The following CACNA1A variants were observed in gnomAD, a reference collection of about 807,000 sequenced individuals.
CACNA1A encodes calcium voltage-gated channel subunit alpha1 A.
CACNA1A carries 57 observed loss-of-function variants against 262.4 expected under a neutral mutation model. That is an observed-to-expected ratio of 0.22 (90% CI 0.18 to 0.27). The LOEUF (loss-of-function observed/expected upper bound fraction) is 0.27. Among genes scored for constraint, CACNA1A ranks in the 10% least tolerant of loss-of-function variants. The pLI is 1.00. For synonymous variants in CACNA1A, 1,431 were observed against 1,419.3 expected, an observed-to-expected ratio of 1.01 and a Z score of -0.18; for missense variants, 2,526 against 3,562.8, an observed-to-expected ratio of 0.71 and a Z score of 7.41.
intron 10 of CACNA1A, among the ~76,000 whole-genome samples, chr19:13,322,535 TA>T (rs1260907481): frequency 6.6e-6 from 1 of 152,074 alleles, no homozygotes; most frequent in Non-Finnish European, 1.5e-5. Flanking sequence ...CCTGTGTTAT[TA>T]AAATGATGTA....
At chr19:13,474,805 A>C (rs1339352465) in intron 1 of CACNA1A, among the ~76,000 whole-genome samples, 1 of 146,754 alleles carries the variant, frequency 6.8e-6, no homozygotes, top group African/African-American at 2.6e-5. Flanking sequence ...CAACAGAGGG[A>C]GACTCCGTCT....
chr19:13,479,670 C>T lies in CACNA1A; in HGVS notation c.294-24458G>A, dbSNP rs151110026. 2.0e-3 allele frequency among the ~76,000 whole-genome samples: 312 copies of T among 152,286 alleles called. 4 individuals are homozygous for T. The highest frequency in any genetic ancestry group is 7.3e-3 in the African/African-American group (305 of 41,572). On this transcript the variant is annotated intron_variant, in intron 1 of 46. Coordinates refer to ENST00000360228, the MANE Select transcript of CACNA1A (RefSeq NM_001127222.2). ...AGGAGGACAGGCCTGAGCTCAGAGTCCTGCCACCTTCACTCTTCATGTCTT... is the reference window on the plus strand; with the variant it reads ...AGGAGGACAGGCCTGAGCTCAGAGTTCTGCCACCTTCACTCTTCATGTCTT...
chr19:13,332,271 C>T (rs1253746809), intron 9 of CACNA1A, among the ~76,000 whole-genome samples: 3 of 152,074 alleles, frequency 2.0e-5, no homozygotes, highest in Admixed American at 2.0e-4. Context: ...CATGGTGGCT[C>T]ATGCTTGTAA....
At chr19:13,271,224 T>TTTTTTG (rs2057011579) in intron 24 of CACNA1A, 1 of 140,362 alleles carries the variant, frequency 7.1e-6, no homozygotes, top group South Asian at 2.4e-4. Flanking sequence ...GTTTTTTTTT[T>TTTTTTG]TTTTTTTTTT....
chr19:13,473,123 C>T (rs72999667), intron 1 of CACNA1A, among the ~76,000 whole-genome samples: 1,787 of 152,080 alleles, frequency 0.012, 21 homozygotes, highest in Non-Finnish European at 0.02. Flanking sequence ...TATGGTGGTG[C>T]ACGCCTGTAA....
chr19:13,246,070 A>C (rs1348053013), intron 30 of CACNA1A, among the ~76,000 whole-genome samples: 1 of 152,226 alleles, frequency 6.6e-6, no homozygotes, highest in Non-Finnish European at 1.5e-5. Context: ...CAGAGAGCCC[A>C]CAGTCTGTGT....
At position 13,235,703 on chromosome 19, in the gene CACNA1A, G is replaced by A. The variant is rs779576853; in HGVS notation, c.4978C>T (p.Arg1660Cys). ...ATGAGCCGGGCAGCTCGGAAGAGGC[G>A]GAGAAAGCTCAGGTTGATGAAGTTA... ...GNNFINLSFLRLFRAARLIKL... is the reference protein window; with the variant it reads ...GNNFINLSFLCLFRAARLIKL... The change falls in exon 32 of 47, where the codon CGC becomes TGC. Residue 1660 changes from arginine to cysteine, a missense_variant. Arg to Cys is a radical substitution (Grantham distance 180). Coordinates refer to ENST00000360228, the MANE Select transcript of CACNA1A (RefSeq NM_001127222.2). 8 of 1,613,740 alleles carry A rather than the reference G, an allele frequency of 5.0e-6. No homozygotes were observed. The highest frequency in any genetic ancestry group is 1.1e-5 in the South Asian group (1 of 91,074).
chr19:13,474,758 A>G (rs1276996715), intron 1 of CACNA1A, among the ~76,000 whole-genome samples: 3 of 151,974 alleles, frequency 2.0e-5, no homozygotes, highest in Non-Finnish European at 4.4e-5. Context: ...CAGAGGTTGC[A>G]GTGAGCCAAC....
chr19:13,209,065 C>A, intron 45 of CACNA1A, 56 bp from the exon 46 acceptor site: 1 of 1,534,508 alleles, frequency 6.5e-7, no homozygotes, highest in Non-Finnish European at 8.7e-7. Flanking sequence ...AGAGGTGGGG[C>A]AGATGCACAC....
intron 29 of CACNA1A, 149 bp downstream of exon 29, chr19:13,254,946 T>G (rs1038145925): frequency 1.3e-6 from 1 of 742,450 alleles, no homozygotes; most frequent in Non-Finnish European, 2.2e-6. Flanking sequence ...GAACAGTGTG[T>G]CAGGTAGAGG....
rs148344024 is a variant in CACNA1A at position 13,468,604 on chromosome 19, T to C, written c.294-13392A>G. On this transcript the variant is annotated intron_variant, in intron 1 of 46. Transcript: ENST00000360228. ...GAGTTTGAGACCAGCTTGGTCAACATGGTGAAACCCTGTCTCCACTAAAAA... is the reference window on the plus strand; with the variant it reads ...GAGTTTGAGACCAGCTTGGTCAACACGGTGAAACCCTGTCTCCACTAAAAA... Among the ~76,000 whole-genome samples the C allele has an allele frequency of 2.0e-3, 310 of 152,200 alleles. 1 individual carries two copies. The highest frequency in any genetic ancestry group is 7.0e-3 in the African/African-American group (289 of 41,530).
intron 3 of CACNA1A, among the ~76,000 whole-genome samples, chr19:13,413,381 C>T (rs1245158702): frequency 6.6e-6 from 1 of 150,870 alleles, no homozygotes; most frequent in East Asian, 2.0e-4. Flanking sequence ...GCTGGGATTA[C>T]AGGTGTGAGC....
chr19:13,439,098 T>C (rs1210613251), intron 3 of CACNA1A, among the ~76,000 whole-genome samples: 1 of 151,648 alleles, frequency 6.6e-6, no homozygotes, highest in Admixed American at 6.6e-5. Context: ...AACAAACCAC[T>C]TGTCCTCAAA....
At chr19:13,274,942 C>T (rs1481616414) in intron 24 of CACNA1A, 2 of 151,460 alleles carry the variant, frequency 1.3e-5, no homozygotes, top group Non-Finnish European at 2.9e-5. Context: ...AGCATGGTAG[C>T]CCAGAAATCA....
intron 10 of CACNA1A, 72 bp downstream of exon 10, chr19:13,330,172 T>TC: frequency 9.2e-7 from 1 of 1,081,518 alleles, no homozygotes; most frequent in South Asian, 1.4e-5. Flanking sequence ...GCAAGCCCTC[T>TC]GCCCCCACCC....
intron 24 of CACNA1A, 85 bp downstream of exon 24, chr19:13,275,765 G>A (rs2057132475): frequency 3.2e-6 from 3 of 933,342 alleles, no homozygotes; most frequent in Non-Finnish European, 5.2e-6. Flanking sequence ...CCTAGACCCT[G>A]AGAACATGTC....
intron 3 of CACNA1A, chr19:13,452,251 A>G (rs2060930351): frequency 6.6e-6 from 1 of 152,198 alleles, no homozygotes; most frequent in Non-Finnish European, 1.5e-5. Context: ...CTTAGAGGAA[A>G]GCATATACAC....
At position 13,298,644 on chromosome 19, in the gene CACNA1A, C is replaced by G; in HGVS notation, c.2989G>C (p.Asp997His). The G allele has an allele frequency of 6.6e-7, 1 of 1,519,898 alleles. No homozygotes were observed. Among genetic ancestry groups the G allele is most frequent in the South Asian group, 1.2e-5 (1 of 81,582 alleles). The allele number at this position is 1,519,898 out of a possible 1,614,324, so 94.2% of individuals were successfully genotyped here. A position where few individuals can be genotyped will look rare whatever the true frequency, so the allele number is the denominator to read the frequency against. Residue 997 changes from aspartate (D) to histidine (H), a missense_variant, in exon 19 of 47, where the codon GAC becomes CAC. By Grantham distance (81) the Asp-to-His change is moderately conservative (BLOSUM62 -1). This residue lies in a region of CACNA1A where 765 missense variants were observed against 748.6 expected (regional missense o/e 1.02). Coordinates refer to ENST00000360228, the MANE Select transcript of CACNA1A (RefSeq NM_001127222.2). ...TGCCTTCTCCTGCGCTCGCCCCCGT[C>G]GGGGCCCTCGCCCTCGCCCTCGCCG... ...RGGEGEGEGP[D>H]GGERRRRHRH... is the part of the protein sequence containing the mutation.
At chr19:13,283,501 C>T (rs2057336093) in intron 21 of CACNA1A, 105 bp from the exon 22 acceptor site, 2 of 1,417,614 alleles carry the variant, frequency 1.4e-6, no homozygotes, top group East Asian at 2.5e-5. Flanking sequence ...ATCTCCAACC[C>T]CCAAGGCCTC....
Sources: gnomAD v4.1 joint callset for allele counts (sites outside exome capture counted in the v4.1 genomes callset) on GRCh38, gnomAD v4.1.1 for gene constraint, gnomAD v4.1.1 regional missense constraint, MANE v1.5 for transcripts, NCBI Gene and HGNC (gene_info 2026-07-23, HGNC 2026-07-21) for gene names.